Variants in VGLL4 observed in about 807,000 individuals in gnomAD.
VGLL4 encodes vestigial like family member 4.
Under a neutral mutation model 21.0 loss-of-function variants are expected in VGLL4, and 7 were observed. That is an observed-to-expected ratio of 0.33 (90% CI 0.19 to 0.63). The LOEUF (loss-of-function observed/expected upper bound fraction) is 0.63. VGLL4 is among the 20% of genes least tolerant of loss of function. The pLI is 0.78. For missense variants in VGLL4, 394 were observed against 425.7 expected, an observed-to-expected ratio of 0.93 and a Z score of 0.66; for synonymous variants, 222 against 173.2, an observed-to-expected ratio of 1.28 and a Z score of -2.21.
chr3:11,590,458 G>A (rs1481368560), intron 2 of VGLL4, among the ~76,000 whole-genome samples: 1 of 152,166 alleles, frequency 6.6e-6, no homozygotes, highest in African/African-American at 2.4e-5. Flanking sequence ...AGTATAAGAA[G>A]TTGGAGGAGA....
At chr3:11,623,345 C>T (rs2075299255) in intron 1 of VGLL4, among the ~76,000 whole-genome samples, 1 of 152,122 alleles carries the variant, frequency 6.6e-6, no homozygotes, top group South Asian at 2.1e-4. Context: ...GGATTGGTTC[C>T]AGGAATCCCA....
At chr3:11,596,842 A>G (rs13060776) in intron 2 of VGLL4, among the ~76,000 whole-genome samples, 67,759 of 152,064 alleles carry the variant, frequency 0.45, 19,185 homozygotes, top group Non-Finnish European at 0.65. Flanking sequence ...CATAGTAACA[A>G]TAAGTTACCA....
intron 1 of VGLL4, among the ~76,000 whole-genome samples, chr3:11,717,383 T>C (rs1390494642): frequency 6.6e-6 from 1 of 150,942 alleles, no homozygotes; most frequent in Non-Finnish European, 1.5e-5. Context: ...GACAGATACC[T>C]AGAAGAGACA....
At chr3:11,668,224 A>C (rs532934525) in intron 2 of VGLL4, among the ~76,000 whole-genome samples, 1 of 152,242 alleles carries the variant, frequency 6.6e-6, no homozygotes, top group Non-Finnish European at 1.5e-5. Flanking sequence ...ATAAATAAAG[A>C]GCAAACAAAC....
At chr3:11,600,724 T>G (rs2074773239) in intron 2 of VGLL4, among the ~76,000 whole-genome samples, 1 of 152,108 alleles carries the variant, frequency 6.6e-6, no homozygotes, top group Non-Finnish European at 1.5e-5. Flanking sequence ...CTGGGCCACC[T>G]CTCTGCGGAA....
chr3:11,669,645 A>G (rs2076175352), intron 2 of VGLL4, among the ~76,000 whole-genome samples: 1 of 151,862 alleles, frequency 6.6e-6, no homozygotes, highest in Non-Finnish European at 1.5e-5. Context: ...TCACTGTAAT[A>G]TTTTTATTCT....
At chr3:11,662,995 A>T (rs2076058373) in intron 2 of VGLL4, among the ~76,000 whole-genome samples, 1 of 152,218 alleles carries the variant, frequency 6.6e-6, no homozygotes, top group Admixed American at 6.5e-5. Flanking sequence ...AATATAAAGG[A>T]AAGATTATTA....
At chr3:11,591,805 C>T (rs942753862) in intron 2 of VGLL4, among the ~76,000 whole-genome samples, 1 of 152,210 alleles carries the variant, frequency 6.6e-6, no homozygotes, top group African/African-American at 2.4e-5. Context: ...AAGCAAACCT[C>T]ACAGAGAATC....
At chr3:11,563,350 G>A (rs950496385) in intron 3 of VGLL4, among the ~76,000 whole-genome samples, 1 of 152,248 alleles carries the variant, frequency 6.6e-6, no homozygotes, top group African/African-American at 2.4e-5. Context: ...GCATTACAAT[G>A]CCTGTTGAGC....
chr3:11,560,085 A>C (rs962059602), intron 3 of VGLL4, among the ~76,000 whole-genome samples: 10 of 151,710 alleles, frequency 6.6e-5, no homozygotes. Flanking sequence ...CTGCCTGGCA[A>C]ACTCCCCTTG....
At position 11,711,529 on chromosome 3, in the gene VGLL4, T is replaced by A. The variant is rs560536756; in HGVS notation, c.-13-8482A>T. Among the ~76,000 whole-genome samples the A allele has an allele frequency of 2.0e-5, 3 of 148,882 alleles. No homozygotes were observed. The East Asian group carries it at 6.0e-4, about 30-fold the overall frequency. Reference sequence around the variant, plus strand: ...TTGCAGTGAGCCGAGGTTGCGCCACTGCACCCTAGCCTGGGCTCCATCTCA... The same window carrying A: ...TTGCAGTGAGCCGAGGTTGCGCCACAGCACCCTAGCCTGGGCTCCATCTCA... On this transcript the variant is annotated intron_variant, in intron 1 of 5. Transcript: ENST00000273038.
intron 2 of VGLL4, among the ~76,000 whole-genome samples, chr3:11,699,084 C>A (rs951849546): frequency 5.3e-5 from 8 of 152,154 alleles, no homozygotes; most frequent in African/African-American, 1.4e-4. Context: ...AGAACGTTAA[C>A]CTCCCCTAAA....
chr3:11,607,353 C>G (rs1380348940), intron 1 of VGLL4: 1 of 152,074 alleles, frequency 6.6e-6, no homozygotes, highest in Non-Finnish European at 1.5e-5. Flanking sequence ...CTGTCTGATT[C>G]CACTTCTATG....
At chr3:11,688,357 T>C (rs2076480755) in intron 2 of VGLL4, among the ~76,000 whole-genome samples, 1 of 152,188 alleles carries the variant, frequency 6.6e-6, no homozygotes. Flanking sequence ...TCTGTTTCTT[T>C]AGGATTTGGT....
At chr3:11,709,738 A>G (rs547900207) in intron 1 of VGLL4, among the ~76,000 whole-genome samples, 1 of 152,256 alleles carries the variant, frequency 6.6e-6, no homozygotes, top group Non-Finnish European at 1.5e-5. Flanking sequence ...AGCTACAAAA[A>G]CTTAGGGGCA....
intron 1 of VGLL4, chr3:11,610,484 A>C (rs1050850315): frequency 6.6e-6 from 1 of 152,200 alleles, no homozygotes; most frequent in African/African-American, 2.4e-5. Context: ...GGGTGGCAAC[A>C]CAAAGCACCT....
At chr3:11,623,193 C>A (rs940293821) in intron 1 of VGLL4, among the ~76,000 whole-genome samples, 2 of 152,164 alleles carry the variant, frequency 1.3e-5, no homozygotes, top group Non-Finnish European at 2.9e-5. Flanking sequence ...GGGATCACAT[C>A]AAGGCTCTGT....
intron 1 of VGLL4, among the ~76,000 whole-genome samples, chr3:11,616,630 G>T (rs534226245): frequency 6.6e-5 from 10 of 152,328 alleles, no homozygotes; most frequent in African/African-American, 2.4e-4. Context: ...CATGGACATG[G>T]AACCTTTATT....
chr3:11,660,712 A>T (rs1227279543), intron 2 of VGLL4, among the ~76,000 whole-genome samples: 3 of 152,170 alleles, frequency 2.0e-5, no homozygotes, highest in Non-Finnish European at 4.4e-5. Flanking sequence ...TAAATGTTAT[A>T]GGTTTCAAAG....
Sources: gnomAD v4.1 joint callset for allele counts (sites outside exome capture counted in the v4.1 genomes callset) on GRCh38, gnomAD v4.1.1 for gene constraint, MANE v1.5 for transcripts, NCBI Gene and HGNC (gene_info 2026-07-23, HGNC 2026-07-21) for gene names.